ZSCAN5A: variants seen among roughly 807,000 people sequenced by gnomAD.
ZSCAN5A encodes the protein zinc finger and SCAN domain containing 5A.
In ZSCAN5A, 12 loss-of-function variants were observed where a neutral mutation model predicts 23.7. That is an observed-to-expected ratio of 0.51 (90% CI 0.32 to 0.82). The LOEUF (loss-of-function observed/expected upper bound fraction) is 0.82. Among genes scored for constraint, ZSCAN5A ranks in the 40% least tolerant of loss-of-function variants. The pLI is 0.03. For synonymous variants in ZSCAN5A, 257 were observed against 239.9 expected (o/e 1.07, Z -0.66); for missense variants, 597 against 617.9 (o/e 0.97, Z 0.36).
intron 2 of ZSCAN5A, among the ~76,000 whole-genome samples, chr19:56,237,907 G>A (rs111889767): frequency 7.1e-5 from 8 of 112,722 alleles, no homozygotes; most frequent in Non-Finnish European, 1.3e-4. Flanking sequence ...GCAGAGTGAG[G>A]TTCTGTCTCA....
intron 2 of ZSCAN5A, among the ~76,000 whole-genome samples, chr19:56,294,632 G>A (rs1459817947): frequency 1.3e-5 from 2 of 152,170 alleles, no homozygotes; most frequent in African/African-American, 4.8e-5. Flanking sequence ...AATGGGCATG[G>A]CTGTGTGCCA....
chr19:56,322,049 C>T (rs1342065013), intron 2 of ZSCAN5A: 2 of 773,282 alleles, frequency 2.6e-6, no homozygotes, highest in African/African-American at 1.7e-5. Flanking sequence ...CTGGTGACGG[C>T]ATCTAGTGCA....
chr19:56,275,001 T>C (rs929166531), intron 2 of ZSCAN5A: 2 of 152,232 alleles, frequency 1.3e-5, no homozygotes, highest in East Asian at 1.9e-4. Flanking sequence ...ATTGAGACTA[T>C]GCATTTAGGG....
intron 1 of ZSCAN5A, among the ~76,000 whole-genome samples, chr19:56,367,001 G>T (rs1488458596): frequency 1.3e-5 from 2 of 152,038 alleles, no homozygotes; most frequent in African/African-American, 4.8e-5. Flanking sequence ...AACTGGTGAC[G>T]TATTAAAACC....
intron 2 of ZSCAN5A, among the ~76,000 whole-genome samples, chr19:56,300,686 C>A (rs1448856243): frequency 6.6e-6 from 1 of 152,162 alleles, no homozygotes; most frequent in African/African-American, 2.4e-5. Flanking sequence ...GTAATCGCTT[C>A]CTGAATTTTC....
chr19:56,241,321 G>A (rs552245047), intron 2 of ZSCAN5A, among the ~76,000 whole-genome samples: 48 of 152,254 alleles, frequency 3.2e-4, no homozygotes, highest in African/African-American at 1.1e-3. Context: ...TCAAACTCCT[G>A]GGCTCAAGTG....
intron 2 of ZSCAN5A, among the ~76,000 whole-genome samples, chr19:56,311,171 A>G (rs2041012480): frequency 6.6e-6 from 1 of 152,204 alleles, no homozygotes; most frequent in African/African-American, 2.4e-5. Context: ...AGACACAGGC[A>G]TGCTTGCAAA....
At chr19:56,288,368 C>A (rs1006993536) in intron 2 of ZSCAN5A, among the ~76,000 whole-genome samples, 1 of 152,176 alleles carries the variant, frequency 6.6e-6, no homozygotes, top group East Asian at 1.9e-4. Context: ...CCCAGCTAAC[C>A]CCTGCTCATC....
chr19:56,344,414 CTA>C (rs750439773), intron 2 of ZSCAN5A, among the ~76,000 whole-genome samples: 29 of 152,222 alleles, frequency 1.9e-4, no homozygotes, highest in Non-Finnish European at 3.7e-4. Flanking sequence ...TTTGCAACCC[CTA>C]TGTCAAGTTT....
intron 2 of ZSCAN5A, chr19:56,245,431 T>C (rs758087518): frequency 4.2e-5 from 28 of 662,456 alleles, no homozygotes; most frequent in African/African-American, 3.1e-4. Context: ...GGCAGGTGAG[T>C]GTGTGAGGCC....
intron 2 of ZSCAN5A, among the ~76,000 whole-genome samples, chr19:56,355,135 G>A (rs1027240766): frequency 2.4e-5 from 3 of 124,636 alleles, no homozygotes; most frequent in African/African-American, 1.0e-4. Context: ...GGGGCATTTT[G>A]TTCCCAATTG....
At chr19:56,275,323 C>CATAT (rs2038166483) in intron 2 of ZSCAN5A, among the ~76,000 whole-genome samples, 1 of 152,064 alleles carries the variant, frequency 6.6e-6, no homozygotes, top group Non-Finnish European at 1.5e-5. Context: ...TTTCTATTCC[C>CATAT]CTTATTCATC....
At chr19:56,325,515 T>A (rs1190227887) in intron 2 of ZSCAN5A, among the ~76,000 whole-genome samples, 1 of 152,198 alleles carries the variant, frequency 6.6e-6, no homozygotes, top group Non-Finnish European at 1.5e-5. Flanking sequence ...GTTCCCTTCT[T>A]GTGTGAATTT....
chr19:56,297,229 A>C (rs2147215354), intron 2 of ZSCAN5A, among the ~76,000 whole-genome samples: 1 of 152,260 alleles, frequency 6.6e-6, no homozygotes, highest in Admixed American at 6.5e-5. Context: ...CCTGGGATCC[A>C]GGGACACAGG....
At chr19:56,230,484 C>A (rs1462888456) in intron 2 of ZSCAN5A, among the ~76,000 whole-genome samples, 1 of 152,122 alleles carries the variant, frequency 6.6e-6, no homozygotes, top group Non-Finnish European at 1.5e-5. Context: ...ATCTCCATCA[C>A]CTCACATAGA....
intron 2 of ZSCAN5A, among the ~76,000 whole-genome samples, chr19:56,271,856 C>T (rs2037872950): frequency 6.6e-6 from 1 of 152,172 alleles, no homozygotes; most frequent in Admixed American, 6.5e-5. Flanking sequence ...CAGAGGGATA[C>T]TGGGTCAAGT....
chr19:56,288,241 CCT>C (rs2039269902), intron 2 of ZSCAN5A, among the ~76,000 whole-genome samples: 1 of 152,316 alleles, frequency 6.6e-6, no homozygotes, highest in Middle Eastern at 3.4e-3. Context: ...CCATCATGCC[CCT>C]GAGGTGGGCT....
At chr19:56,321,127 G>A (rs2041371264) in intron 2 of ZSCAN5A, 1 of 671,360 alleles carries the variant, frequency 1.5e-6, no homozygotes, top group African/African-American at 1.8e-5. Flanking sequence ...GCTCCACGCT[G>A]CTAGGATGTC....
chr19:56,308,431 C>T (rs974670225), intron 2 of ZSCAN5A, among the ~76,000 whole-genome samples: 4 of 151,914 alleles, frequency 2.6e-5, no homozygotes, highest in African/African-American at 9.7e-5. Context: ...TCAAACGATT[C>T]TCCTGCCTCA....
Sources: allele counts gnomAD v4.1 joint callset (sites outside exome capture counted in the v4.1 genomes callset), GRCh38; gene constraint gnomAD v4.1.1; transcripts MANE v1.5; gene names NCBI Gene and HGNC (gene_info 2026-07-23, HGNC 2026-07-21).